Variants in MACROD2 observed in about 807,000 individuals in gnomAD.
The protein encoded by MACROD2 is mono-ADP ribosylhydrolase 2.
MACROD2 carries 36 observed loss-of-function variants against 70.4 expected under a neutral mutation model. That is an observed-to-expected ratio of 0.51 (90% CI 0.39 to 0.68). MACROD2 has a LOEUF of 0.68. Ranked by LOEUF, MACROD2 falls within the 30% of genes least tolerant of loss-of-function variation. The pLI is 0.00. For synonymous variants in MACROD2, 172 were observed against 178.8 expected (o/e 0.96, Z 0.30); for missense variants, 496 against 538.4 (o/e 0.92, Z 0.78).
At chr20:15,318,439 A>G (rs1488346075) in intron 6 of MACROD2, among the ~76,000 whole-genome samples, 1 of 152,146 alleles carries the variant, frequency 6.6e-6, no homozygotes. Context: ...TTTCCAAAAA[A>G]TGGAAGAGGG....
chr20:15,307,812 A>T (rs1158216909), intron 6 of MACROD2, among the ~76,000 whole-genome samples: 1 of 152,176 alleles, frequency 6.6e-6, no homozygotes. Flanking sequence ...ATTTCTTTAT[A>T]GTCTTCTAAA....
At chr20:14,312,898 C>T (rs931280895) in intron 3 of MACROD2, among the ~76,000 whole-genome samples, 4 of 152,196 alleles carry the variant, frequency 2.6e-5, no homozygotes, top group Admixed American at 2.0e-4. Flanking sequence ...CTATCCTGTA[C>T]GCCAGAGTGG....
intron 5 of MACROD2, among the ~76,000 whole-genome samples, chr20:15,005,905 T>G (rs2075031994): frequency 6.6e-6 from 1 of 152,122 alleles, no homozygotes; most frequent in South Asian, 2.1e-4. Context: ...AAAGAGCCGA[T>G]TTTGCCTCTT....
At chr20:15,285,788 A>G (rs963649465) in intron 6 of MACROD2, among the ~76,000 whole-genome samples, 11 of 152,172 alleles carry the variant, frequency 7.2e-5, no homozygotes, top group African/African-American at 1.9e-4. Context: ...GAATTTGTCA[A>G]TATATTCTGT....
chr20:14,240,498 C>T (rs1041324161), intron 3 of MACROD2, among the ~76,000 whole-genome samples: 1 of 152,144 alleles, frequency 6.6e-6, no homozygotes, highest in African/African-American at 2.4e-5. Context: ...CTATGGAATA[C>T]TATACAGCCC....
chr20:15,753,264 G>T (rs138308963), intron 8 of MACROD2, among the ~76,000 whole-genome samples: 1 of 152,098 alleles, frequency 6.6e-6, no homozygotes, highest in Non-Finnish European at 1.5e-5. Context: ...AGGAAGCTCC[G>T]CTTCCTTCCC....
At position 14,684,873 on chromosome 20, in the gene MACROD2, C is replaced by A. The variant is rs760627660; in HGVS notation, c.332C>A (p.Pro111His). Reference sequence around the variant, plus strand: ...GGCTGTATTCATAGAGCAGCCGGCCCCTGTTTGCTAGCTGAATGTCGTAAC... The same window carrying A: ...GGCTGTATTCATAGAGCAGCCGGCCACTGTTTGCTAGCTGAATGTCGTAAC... ...VDGCIHRAAG[P>H]CLLAECRNLN... Residue 111 changes from proline to histidine, a missense_variant, in exon 5 of 18, where the codon CCC becomes CAC. Physicochemically the swap from Pro to His is moderately conservative, Grantham distance 77 (BLOSUM62 -2). Coordinates refer to ENST00000684519, the MANE Select transcript of MACROD2 (RefSeq NM_001351661.2). The A allele has an allele frequency of 1.9e-6, 3 of 1,613,978 alleles. No individual in the cohort carries two copies. The highest frequency in any genetic ancestry group is 2.5e-6 in the Non-Finnish European group (3 of 1,179,930).
intron 8 of MACROD2, among the ~76,000 whole-genome samples, chr20:15,841,752 T>C (rs6043571): frequency 0.87 from 131,529 of 152,050 alleles, 57,170 homozygotes; most frequent in East Asian, 0.99. Context: ...AGACTTAGAA[T>C]GATGGTGGGA....
chr20:14,751,611 C>T (rs1011926506), intron 5 of MACROD2, among the ~76,000 whole-genome samples: 6 of 152,014 alleles, frequency 3.9e-5, no homozygotes, highest in Admixed American at 6.5e-5. Context: ...CCTGTGAGTT[C>T]GCTCCACCCT....
At chr20:14,873,050 TGAA>T (rs11469507) in intron 5 of MACROD2, among the ~76,000 whole-genome samples, 37,858 of 151,848 alleles carry the variant, frequency 0.25, 5,414 homozygotes, top group Non-Finnish European at 0.33. Flanking sequence ...CCTTGACACA[TGAA>T]GAATATGGAG....
chr20:14,665,180 G>A (rs184970595), intron 4 of MACROD2, among the ~76,000 whole-genome samples: 11 of 152,072 alleles, frequency 7.2e-5, no homozygotes, highest in African/African-American at 2.4e-4. Flanking sequence ...GGTACACAAC[G>A]CATGACAGGT....
chr20:15,705,105 A>G (rs531985936), intron 8 of MACROD2, among the ~76,000 whole-genome samples: 4 of 152,344 alleles, frequency 2.6e-5, no homozygotes, highest in African/African-American at 9.6e-5. Context: ...GAAATTCAAA[A>G]TACCTTTCTA....
chr20:15,878,222 C>A (rs73101676), intron 9 of MACROD2, among the ~76,000 whole-genome samples: 1 of 152,258 alleles, frequency 6.6e-6, no homozygotes, highest in Non-Finnish European at 1.5e-5. Flanking sequence ...TCAAACCCAG[C>A]AACCATGTGG....
chr20:14,794,220 T>A (rs966693132), intron 5 of MACROD2, among the ~76,000 whole-genome samples: 7 of 152,178 alleles, frequency 4.6e-5, no homozygotes. Flanking sequence ...CCAATCCACA[T>A]GAATGTTGAA....
intron 5 of MACROD2, among the ~76,000 whole-genome samples, chr20:14,725,197 A>G (rs1376443952): frequency 2.0e-5 from 3 of 152,188 alleles, no homozygotes; most frequent in Non-Finnish European, 4.4e-5. Context: ...TTTGGAAGTG[A>G]TAACAAGAGT....
intron 2 of MACROD2, among the ~76,000 whole-genome samples, chr20:14,007,926 A>G (rs2052845146): frequency 6.6e-6 from 1 of 152,328 alleles, no homozygotes; most frequent in South Asian, 2.1e-4. Flanking sequence ...AATGAGGATG[A>G]GTTAGGTGAA....
chr20:14,248,044 T>C (rs2081981638), intron 3 of MACROD2, among the ~76,000 whole-genome samples: 1 of 152,230 alleles, frequency 6.6e-6, no homozygotes, highest in Admixed American at 6.5e-5. Context: ...ACTGTGCTGC[T>C]TAGCTACACT....
At chr20:15,569,588 G>T (rs1287865027) in intron 8 of MACROD2, among the ~76,000 whole-genome samples, 1 of 152,156 alleles carries the variant, frequency 6.6e-6, no homozygotes, top group Non-Finnish European at 1.5e-5. Flanking sequence ...TCTACGCTCT[G>T]CTGCGATGAG....
chr20:14,416,133 A>G lies in MACROD2; in HGVS notation c.272-77346A>G, dbSNP rs184784187. Among the ~76,000 whole-genome samples, 12 of 151,866 alleles carry G rather than the reference A, an allele frequency of 7.9e-5. No homozygotes were observed. In the East Asian group the frequency reaches 2.3e-3, roughly 30 times the overall value. ...ACCACCACGCCCAGCTAATTTTTGTATTTTTAGTAGAGATGGGGCTTCACC... is the reference window on the plus strand; with the variant it reads ...ACCACCACGCCCAGCTAATTTTTGTGTTTTTAGTAGAGATGGGGCTTCACC... On this transcript the variant is annotated intron_variant, in intron 3 of 17. Transcript: ENST00000684519.
Sources: allele counts gnomAD v4.1 joint callset (sites outside exome capture counted in the v4.1 genomes callset), GRCh38; gene constraint gnomAD v4.1.1; transcripts MANE v1.5; gene names NCBI Gene and HGNC (gene_info 2026-07-23, HGNC 2026-07-21).